Variants in PTBP1 observed in about 807,000 individuals in gnomAD.
PTBP1 encodes polypyrimidine tract-binding protein 1.
A neutral mutation model predicts 59.8 loss-of-function variants in PTBP1; 8 were observed. The observed-to-expected ratio is 0.13, with a 90% CI of 0.08 to 0.24. PTBP1 has a LOEUF of 0.24. PTBP1 is among the 10% of genes least tolerant of loss of function. The probability of loss-of-function intolerance (pLI) is 1.00; values close to 1 mark genes in which losing one functional copy is unlikely to be tolerated. For synonymous variants in PTBP1, 490 were observed against 320.7 expected (o/e 1.53, Z -5.64); for missense variants, 686 against 767.0 (o/e 0.89, Z 1.25).
Position 804,833 on chromosome 19 carries a change from T to A in PTBP1, c.611T>A (p.Phe204Tyr). 1 of 1,613,756 alleles carries A rather than the reference T, an allele frequency of 6.2e-7. No homozygotes were observed. The highest frequency in any genetic ancestry group is 8.5e-7 in the Non-Finnish European group (1 of 1,179,742). The stretch of plus-strand genomic sequence containing the variant: ...GCTGTGGCCCGGGACCTGCAGATTT[T>A]CTCCAAGTTCGGCACAGTGTTGAAG... Reference protein sequence around the residue: ...PVTLDVLHQIFSKFGTVLKII... With the variant: ...PVTLDVLHQIYSKFGTVLKII... The change falls in exon 7 of 15, where the codon TTC becomes TAC. Residue 204 changes from phenylalanine (F) to tyrosine (Y), a missense_variant. Phe to Tyr is a conservative substitution (Grantham distance 22). Coordinates refer to ENST00000356948, the MANE Select transcript of PTBP1 (RefSeq NM_002819.5).
At chr19:798,277 C>T (rs929647392) in intron 1 of PTBP1, among the ~76,000 whole-genome samples, 2 of 151,788 alleles carry the variant, frequency 1.3e-5, no homozygotes, top group African/African-American at 2.4e-5. Flanking sequence ...CCTTTCCGGG[C>T]GGCTTTGCTG....
In PTBP1 at chr19:799,451, C is replaced by G; in HGVS notation, c.39+8C>G. The G allele has an allele frequency of 6.2e-7, 1 of 1,613,728 alleles. No individual in the cohort carries two copies. ...ATAGCCGTTGGTACAAAGGTAGGCA[C>G]TTCTCACTTTGCTTCTCCGTGACGC... On this transcript the variant is annotated splice_region_variant and intron_variant, in intron 2 of 14. Coordinates refer to ENST00000356948, the MANE Select transcript of PTBP1 (RefSeq NM_002819.5).
chr19:801,943 A>C (rs921048028), intron 2 of PTBP1, among the ~76,000 whole-genome samples: 1 of 152,222 alleles, frequency 6.6e-6, no homozygotes, highest in Non-Finnish European at 1.5e-5. Flanking sequence ...GTCCGGCCGG[A>C]ACCTCAGGGC....
chr19:804,982 C>G (rs780895451), intron 7 of PTBP1, 31 bp from the exon 8 acceptor site: 3 of 1,612,248 alleles, frequency 1.9e-6, no homozygotes, highest in East Asian at 2.2e-5. Context: ...GGCCCTGGCC[C>G]GGCGACGTCT....
rs762216708 is a variant in PTBP1, at chr19:806,434, G to C, written c.997G>C (p.Ala333Pro). ...CCTTTCCGTTCCGAACGTCCACGGC[G>C]CCCTGGCCCCCCTGGCCATCCCCTC... ...AGLSVPNVHG[A>P]LAPLAIPSAA... The change falls in exon 10 of 15, where the codon GCC becomes CCC. Residue 333 changes from alanine to proline, a missense_variant. By Grantham distance (27) the Ala-to-Pro change is conservative. Transcript: ENST00000356948. 1.9e-6 allele frequency: 3 copies of C among 1,601,784 alleles called. No individual in the cohort carries two copies. The highest frequency in any genetic ancestry group is 2.3e-5 in the East Asian group (1 of 43,378).
chr19:808,566 C>T lies in PTBP1; in HGVS notation c.1267C>T (p.His423Tyr). ...AQLAMSHLNG[H>Y]KLHGKPIRIT... ...CCCAGCCATGAGCCACCTGAACGGG[C>T]ACAAGCTGCACGGGAAGCCCATCCG... Residue 423 changes from histidine to tyrosine, a missense_variant, in exon 13 of 15, where the codon CAC becomes TAC. By Grantham distance (83) the His-to-Tyr change is moderately conservative. Transcript: ENST00000356948. The surrounding 1 kb of genome is among the most constrained non-coding windows in gnomAD (Gnocchi z 4.7). 2 of 1,598,380 alleles carry T rather than the reference C, an allele frequency of 1.3e-6. No individual in the cohort carries two copies. The highest frequency in any genetic ancestry group is 2.3e-5 in the East Asian group (1 of 44,004).
chr19:798,459 C>T (rs1396683305), intron 1 of PTBP1: 2 of 152,330 alleles, frequency 1.3e-5, no homozygotes, highest in Non-Finnish European at 2.9e-5. Flanking sequence ...TTTTAAAAGT[C>T]TGTTAAACGT....
At chr19:805,729 T>A in intron 9 of PTBP1, 160 bp downstream of exon 9, 1 of 677,154 alleles carries the variant, frequency 1.5e-6, no homozygotes, top group East Asian at 2.6e-5. Context: ...CAGAGCAGGC[T>A]TGGCCAGGGC....
Position 808,257 on chromosome 19 carries a change from C to A in PTBP1, c.1154-103C>A, listed in dbSNP as rs2034668712. On this transcript the variant is annotated intron_variant, in intron 11 of 14. Coordinates refer to ENST00000356948, the MANE Select transcript of PTBP1 (RefSeq NM_002819.5). This position sits in a 1 kb window ranked among gnomAD's most constrained non-coding sequence, Gnocchi z 4.7. ...CAGTGGCCGATAAAGCAAACCCGGC[C>A]GGGCTGAGCCGGGCCTTGTGGGGGT... 1 of 992,666 alleles carries A rather than the reference C, an allele frequency of 1.0e-6. No homozygotes were observed. Among genetic ancestry groups the A allele is most frequent in the Non-Finnish European group, 1.5e-6 (1 of 651,050 alleles). 61.5% of individuals were successfully genotyped at this position (992,666 alleles called of 1,614,324 possible).
Position 804,219 on chromosome 19 carries a change from C to A in PTBP1, c.288+11C>A. Reference sequence around the variant, plus strand: ...AAGGGGAAAAACCAGGTACCTGAGCCGCGTTTCTCCGGGGTGCTCACACCG... The same window carrying A: ...AAGGGGAAAAACCAGGTACCTGAGCAGCGTTTCTCCGGGGTGCTCACACCG... On this transcript the variant is annotated intron_variant, in intron 4 of 14. Transcript: ENST00000356948. 1 of 1,605,892 alleles carries A rather than the reference C, an allele frequency of 6.2e-7. No homozygotes were observed. The highest frequency in any genetic ancestry group is 8.5e-7 in the Non-Finnish European group (1 of 1,174,520).
At chr19:803,053 CGA>C (rs2034405911) in intron 2 of PTBP1, among the ~76,000 whole-genome samples, 1 of 152,128 alleles carries the variant, frequency 6.6e-6, no homozygotes, top group African/African-American at 2.4e-5. Context: ...GGGGCTCCTG[CGA>C]GAGTGAGGGA....
At position 810,907 on chromosome 19, in the gene PTBP1, T is replaced by G; in HGVS notation, c.*81T>G. ...AAAGCCACTTTAAAAACAGCTGAAG[T>G]GACCTTAGCAGACCAGAGATTTTAT... On this transcript the variant is annotated 3_prime_UTR_variant, in exon 15 of 15. Coordinates refer to ENST00000356948, the MANE Select transcript of PTBP1 (RefSeq NM_002819.5). The G allele has an allele frequency of 4.5e-6, 6 of 1,323,016 alleles. No individual in the cohort carries two copies. The highest frequency in any genetic ancestry group is 6.0e-6 in the Non-Finnish European group (6 of 991,788). 82.0% of individuals were successfully genotyped at this position (1,323,016 alleles called of 1,614,324 possible).
intron 1 of PTBP1, among the ~76,000 whole-genome samples, chr19:797,811 C>T (rs1204771701): frequency 2.0e-5 from 3 of 148,700 alleles, no homozygotes; most frequent in Admixed American, 1.3e-4. Flanking sequence ...TTTGCCCCGC[C>T]TCGGCGGCGC....
chr19:806,154 T>G, intron 9 of PTBP1: 1 of 414,950 alleles, frequency 2.4e-6, no homozygotes, highest in Non-Finnish European at 4.3e-6. Context: ...TTCTGTGCTG[T>G]GGGCGGGGCG....
chr19:812,170 A>G lies in PTBP1; in HGVS notation c.*1344A>G, dbSNP rs2034914947. 6.6e-6 allele frequency: 1 copy of G among 152,374 alleles called. No individual in the cohort carries two copies. The highest frequency in any genetic ancestry group is 2.4e-5 in the African/African-American group (1 of 41,434). 9.4% of individuals were successfully genotyped at this position (152,374 alleles called of 1,614,324 possible). ...GACCCCACGCACATTCCGTTGCCTT[A>G]CCCGATGGCTTGTGACGCGGAGAGA... On this transcript the variant is annotated 3_prime_UTR_variant, in exon 15 of 15. Transcript: ENST00000356948.
intron 2 of PTBP1, among the ~76,000 whole-genome samples, chr19:800,242 G>A (rs2034274484): frequency 1.3e-5 from 2 of 151,928 alleles, no homozygotes. Context: ...CTGACATTAA[G>A]TATCTTTGAT....
chr19:810,754 C>A lies in PTBP1; in HGVS notation c.1602C>A (p.Leu534=). 1.2e-6 allele frequency: 2 copies of A among 1,607,454 alleles called. No individual in the cohort carries two copies. Among genetic ancestry groups the A allele is most frequent in the Non-Finnish European group, 1.7e-6 (2 of 1,178,048 alleles). The change falls in exon 15 of 15, where the codon CTC becomes CTA. Residue 534 remains leucine (L), a synonymous_variant. Coordinates refer to ENST00000356948, the MANE Select transcript of PTBP1 (RefSeq NM_002819.5). The stretch of plus-strand genomic sequence containing the variant: ...CCGTGGAGGAGGCGGTCCAGGCCCT[C>A]ATTGACCTGCACAACCACGACCTCG... ...MGSVEEAVQA[L]IDLHNHDLGE... is the part of the protein sequence containing the mutation.
At position 806,556 on chromosome 19, in the gene PTBP1, G is replaced by A. The variant is rs150400507; in HGVS notation, c.1119G>A (p.Glu373=). ...SVLLVSNLNP[E]RVTPQSLFIL... ...TGCTGGTCAGCAACCTCAACCCAGA[G>A]GTACGTGGGCTTTTCCTCCGCGCCG... Residue 373 remains glutamate (E), a splice_region_variant and synonymous_variant, in exon 10 of 15, where the codon GAG becomes GAA. Coordinates refer to ENST00000356948, the MANE Select transcript of PTBP1 (RefSeq NM_002819.5). 1,792 of 1,509,856 alleles carry A rather than the reference G, an allele frequency of 1.2e-3. 2 individuals carry two copies. Among genetic ancestry groups the A allele is most frequent in the Non-Finnish European group, 1.5e-3 (1,703 of 1,129,552 alleles). The allele number at this position is 1,509,856 out of a possible 1,614,324, so 93.5% of individuals were successfully genotyped here. A position where few individuals can be genotyped will look rare whatever the true frequency, so the allele number is the denominator to read the frequency against.
Position 810,913 on chromosome 19 carries a change from T to G in PTBP1, c.*87T>G. The G allele has an allele frequency of 3.7e-5, 44 of 1,201,068 alleles. No homozygotes were observed. Among genetic ancestry groups the G allele is most frequent in the Non-Finnish European group, 4.3e-5 (38 of 886,886 alleles). 74.4% of individuals were successfully genotyped at this position (1,201,068 alleles called of 1,614,324 possible). ...ACTTTAAAAACAGCTGAAGTGACCT[T>G]AGCAGACCAGAGATTTTATTTTTTT... On this transcript the variant is annotated 3_prime_UTR_variant, in exon 15 of 15. Transcript: ENST00000356948.
Sources: gnomAD v4.1 joint callset for allele counts (sites outside exome capture counted in the v4.1 genomes callset) on GRCh38, gnomAD v4.1.1 for gene constraint, Gnocchi (gnomAD v3.1) non-coding constraint, MANE v1.5 for transcripts, NCBI Gene and HGNC (gene_info 2026-07-23, HGNC 2026-07-21) for gene names.